RABGEF1: variants seen among roughly 807,000 people sequenced by gnomAD.
The protein encoded by RABGEF1 is rab5 GDP/GTP exchange factor.
A neutral mutation model predicts 57.3 loss-of-function variants in RABGEF1; 26 were observed. That is an observed-to-expected ratio of 0.45 (90% confidence interval 0.33 to 0.63). The LOEUF (loss-of-function observed/expected upper bound fraction) is 0.63. Among genes scored for constraint, RABGEF1 ranks in the 20% least tolerant of loss-of-function variants. The pLI is 0.02. For synonymous variants in RABGEF1, 185 were observed against 210.7 expected, an observed-to-expected ratio of 0.88 and a Z score of 1.06; for missense variants, 464 against 607.6, an observed-to-expected ratio of 0.76 and a Z score of 2.48.
At chr7:66,656,619 A>G in the RABGEF1 span, among the ~76,000 whole-genome samples, 2 of 152,056 alleles carry the variant, frequency 1.3e-5, no homozygotes, top group Admixed American at 6.6e-5. Flanking sequence ...CAGGAGTTTG[A>G]GACCAGCCTG....
chr7:66,736,847 C>T (rs902419600), upstream of RABGEF1, among the ~76,000 whole-genome samples: 5 of 152,020 alleles, frequency 3.3e-5, no homozygotes, highest in African/African-American at 9.7e-5. Context: ...GGCGACAGAG[C>T]GAGACTCCAT....
chr7:66,766,656 T>A (rs1208034939), intron 1 of RABGEF1, among the ~76,000 whole-genome samples: 4 of 152,132 alleles, frequency 2.6e-5, no homozygotes, highest in African/African-American at 4.8e-5. Flanking sequence ...CTATTAAAGA[T>A]CTGATCTCTA....
intron 1 of RABGEF1, among the ~76,000 whole-genome samples, chr7:66,699,461 C>T (rs1445582164): frequency 2.6e-5 from 4 of 152,112 alleles, no homozygotes; most frequent in African/African-American, 7.2e-5. Flanking sequence ...GAGGTCGAGG[C>T]GGATGGACCA....
intron 1 of RABGEF1, among the ~76,000 whole-genome samples, chr7:66,754,584 T>C (rs2129068615): frequency 6.6e-6 from 1 of 151,648 alleles, no homozygotes; most frequent in African/African-American, 2.4e-5. Context: ...TAGCTACATG[T>C]GGTAGCCCTT....
intron 1 of RABGEF1, among the ~76,000 whole-genome samples, chr7:66,684,164 G>A (rs1279259670): frequency 6.6e-6 from 1 of 152,196 alleles, no homozygotes; most frequent in East Asian, 1.9e-4. Flanking sequence ...GGGTCTCCCT[G>A]GCTAGCTGCG....
chr7:66,799,695 T>A lies in RABGEF1; in HGVS notation c.820+281T>A, dbSNP rs191060632. On this transcript the variant is annotated intron_variant, in intron 7 of 8. Transcript: ENST00000284957. Reference sequence around the variant, plus strand: ...AAATTTTTTTTCTTTTTTTTGTACTTCTTTTTTTATTTAGTTTTTATTCAG... The same window carrying A: ...AAATTTTTTTTCTTTTTTTTGTACTACTTTTTTTATTTAGTTTTTATTCAG... 2.0e-3 allele frequency among the ~76,000 whole-genome samples: 301 copies of A among 152,258 alleles called. 4 individuals carry two copies. The highest frequency in any genetic ancestry group is 0.017 in the Admixed American group (254 of 15,288).
rs1808256122 is a variant in RABGEF1 at position 66,775,300 on chromosome 7, A to G, written c.253A>G (p.Lys85Glu). ...SQGAQSLTFSKFEEKKTNEKT... is the reference protein window; with the variant it reads ...SQGAQSLTFSEFEEKKTNEKT... Reference sequence around the variant, plus strand: ...AGGGGCCCAATCCCTCACATTCTCCAAGTTTGAAGAAAAGAAAACCAACGA... The same window carrying G: ...AGGGGCCCAATCCCTCACATTCTCCGAGTTTGAAGAAAAGAAAACCAACGA... The change falls in exon 3 of 9, where the codon AAG (lysine) becomes GAG (glutamate). Residue 85 changes from lysine (K) to glutamate (E), a missense_variant. Around this residue, in one of 4 missense-constraint regions of RABGEF1, gnomAD observed 284 missense variants for 389.9 expected, o/e 0.73. Transcript: ENST00000284957. 1 of 1,613,834 alleles carries G rather than the reference A, an allele frequency of 6.2e-7. No homozygotes were observed.
intron 1 of RABGEF1, among the ~76,000 whole-genome samples, chr7:66,703,240 G>A (rs903833113): frequency 1.3e-5 from 2 of 152,148 alleles, no homozygotes; most frequent in Non-Finnish European, 2.9e-5. Flanking sequence ...CCAAAGTGCT[G>A]GGATTACAGG....
the RABGEF1 span, among the ~76,000 whole-genome samples, chr7:66,659,461 A>G: frequency 6.6e-6 from 1 of 151,310 alleles, no homozygotes; most frequent in African/African-American, 2.4e-5. Flanking sequence ...CAAAAAAAAA[A>G]AAAGAAAAAA....
intron 2 of RABGEF1, among the ~76,000 whole-genome samples, chr7:66,728,951 CTTTT>C (rs1208215962): frequency 7.3e-6 from 1 of 136,286 alleles, no homozygotes; most frequent in Admixed American, 7.5e-5. Flanking sequence ...TTCACCTCCA[CTTTT>C]TTTTTTTTTT....
chr7:66,772,102 G>T, intron 2 of RABGEF1, 24 bp downstream of exon 2: 1 of 1,444,566 alleles, frequency 6.9e-7, no homozygotes. Flanking sequence ...ACTAGGGGCG[G>T]TTGAACAGTG....
intron 1 of RABGEF1, among the ~76,000 whole-genome samples, chr7:66,699,369 T>C (rs1731343219): frequency 6.6e-6 from 1 of 152,168 alleles, no homozygotes; most frequent in African/African-American, 2.4e-5. Flanking sequence ...AGGTATTGAA[T>C]CTCTCCAAGC....
intron 2 of RABGEF1, among the ~76,000 whole-genome samples, chr7:66,715,750 C>CA (rs1554308363): frequency 6.8e-6 from 1 of 147,252 alleles, no homozygotes; most frequent in Non-Finnish European, 1.5e-5. Context: ...GTTCTATATG[C>CA]TTTTTTTTTT....
chr7:66,732,724 G>A (rs574664135), intron 2 of RABGEF1, among the ~76,000 whole-genome samples: 31 of 151,362 alleles, frequency 2.0e-4, no homozygotes, highest in Middle Eastern at 3.4e-3. Context: ...ACTCTCTCTC[G>A]CTCTCTCTCT....
intron 1 of RABGEF1, among the ~76,000 whole-genome samples, chr7:66,685,445 A>G (rs1173433616): frequency 3.3e-5 from 5 of 152,098 alleles, no homozygotes; most frequent in Non-Finnish European, 5.9e-5. Flanking sequence ...ACTTGAGGCT[A>G]GGAGTTGGAG....
At chr7:66,795,793 A>T (rs1312773723) in intron 5 of RABGEF1, among the ~76,000 whole-genome samples, 2 of 152,204 alleles carry the variant, frequency 1.3e-5, no homozygotes, top group Non-Finnish European at 2.9e-5. Flanking sequence ...GCAATTGGAT[A>T]ATTTATTGAG....
chr7:66,706,933 G>A (rs1794190107), intron 1 of RABGEF1, among the ~76,000 whole-genome samples: 1 of 150,246 alleles, frequency 6.7e-6, no homozygotes, highest in South Asian at 2.1e-4. Context: ...AGGCGCCCAC[G>A]ACCACGCCTG....
chr7:66,772,113 A>G (rs1417914100), intron 2 of RABGEF1, 35 bp downstream of exon 2: 1 of 1,399,124 alleles, frequency 7.1e-7, no homozygotes, highest in African/African-American at 1.5e-5. Flanking sequence ...TTGAACAGTG[A>G]CGTGACTGGA....
At chr7:66,786,585 G>T (rs1811238608) in intron 4 of RABGEF1, among the ~76,000 whole-genome samples, 1 of 152,038 alleles carries the variant, frequency 6.6e-6, no homozygotes, top group Non-Finnish European at 1.5e-5. Context: ...TTTATTTTTT[G>T]TAGAGACAGG....
Sources: allele counts gnomAD v4.1 joint callset (sites outside exome capture counted in the v4.1 genomes callset), GRCh38; gene constraint gnomAD v4.1.1; regional missense constraint gnomAD v4.1.1; transcripts MANE v1.5; gene names NCBI Gene and HGNC (gene_info 2026-07-23, HGNC 2026-07-21).